MAP3K15: variants seen among roughly 807,000 people sequenced by gnomAD.
MAP3K15 encodes MAPK/ERK kinase kinase 15.
MAP3K15 carries 124 observed loss-of-function variants against 99.5 expected under a neutral mutation model. The observed-to-expected ratio is 1.25, with a 90% CI of 1.08 to 1.45. The LOEUF is 1.45. MAP3K15 is among the 40% of genes most tolerant of loss of function. The probability of loss-of-function intolerance (pLI) is 0.00; values close to 1 mark genes in which losing one functional copy is unlikely to be tolerated. For missense variants in MAP3K15, 1,242 were observed against 1,079.7 expected (o/e 1.15, Z -2.11); for synonymous variants, 494 against 439.6 (o/e 1.12, Z -1.55).
chrX:19,439,018 T>C (rs757623382), intron 6 of MAP3K15, among the ~76,000 whole-genome samples: 22 of 111,812 alleles, frequency 2.0e-4, no homozygotes, highest in African/African-American at 6.2e-4. Flanking sequence ...GCCAACATGG[T>C]GAAACCCTGT....
chrX:19,360,723 C>T lies in MAP3K15; in HGVS notation c.*26G>A, dbSNP rs754361374. 6 of 1,151,328 alleles carry T rather than the reference C, an allele frequency of 5.2e-6. No homozygotes were observed. The South Asian group carries it at 9.1e-5, about 18-fold the overall frequency. 94.9% of individuals were successfully genotyped at this position (1,151,328 alleles called of 1,213,427 possible). ...ACAAAACATGTAGCGTGGTGGGACACTCTGCCACAGCTTAGCTGATTGGTA... is the reference window on the plus strand; with the variant it reads ...ACAAAACATGTAGCGTGGTGGGACATTCTGCCACAGCTTAGCTGATTGGTA... On this transcript the variant is annotated 3_prime_UTR_variant, in exon 29 of 29. Coordinates refer to ENST00000338883, the MANE Select transcript of MAP3K15 (RefSeq NM_001001671.4).
At chrX:19,488,246 C>T (rs1027086100) in intron 2 of MAP3K15, among the ~76,000 whole-genome samples, 3 of 112,063 alleles carry the variant, frequency 2.7e-5, no homozygotes, top group Admixed American at 9.5e-5. Context: ...CCCAAAAAAG[C>T]TTGTCTCAAA....
intron 3 of MAP3K15, among the ~76,000 whole-genome samples, chrX:19,471,868 G>A (rs2064209647): frequency 8.9e-6 from 1 of 111,987 alleles, no homozygotes. Context: ...AAATGAAGAT[G>A]AAATATGAAC....
At position 19,360,795 on chromosome X, in the gene MAP3K15, T is replaced by C. The variant is rs778346850; in HGVS notation, c.3896A>G (p.Gln1299Arg). ...LLCRLWSAVS[Q>R]YRRAQEASET... ...TGAGGCCTCCTGAGCCCTTCTGTACTGGGAGACCGCACTCCAGAGTCTGCA... is the reference window on the plus strand; with the variant it reads ...TGAGGCCTCCTGAGCCCTTCTGTACCGGGAGACCGCACTCCAGAGTCTGCA... The change falls in exon 29 of 29, where the codon CAG (glutamine) becomes CGG (arginine). Residue 1299 changes from glutamine (Q) to arginine (R), a missense_variant. By Grantham distance (43) the Gln-to-Arg change is conservative. Coordinates refer to ENST00000338883, the MANE Select transcript of MAP3K15 (RefSeq NM_001001671.4). 3.3e-6 allele frequency: 4 copies of C among 1,209,922 alleles called. No homozygotes were observed. Among genetic ancestry groups the C allele is most frequent in the Non-Finnish European group, 3.4e-6 (3 of 894,665 alleles).
Position 19,415,036 on chromosome X carries a change from C to T in MAP3K15, c.1590+71G>A, listed in dbSNP as rs73455611. The T allele has an allele frequency of 7.0e-4, 657 of 933,732 alleles. 4 individuals are homozygous for T. The African/African-American group carries it at 9.9e-3, about 14-fold the overall frequency. The allele number at this position is 933,732 out of a possible 1,213,427, so 76.9% of individuals were successfully genotyped here. A position where few individuals can be genotyped will look rare whatever the true frequency, so the allele number is the denominator to read the frequency against. On this transcript the variant is annotated intron_variant, in intron 10 of 28. Transcript: ENST00000338883. ...ACAGTTTTCTTCAGTTCAGAGTATT[C>T]AATAGTTAAATAGCACCAATCCCTA...
At chrX:19,365,749 G>T (rs1352455886) in intron 25 of MAP3K15, among the ~76,000 whole-genome samples, 1 of 111,486 alleles carries the variant, frequency 9.0e-6, no homozygotes, top group African/African-American at 3.3e-5. Flanking sequence ...GCTCACACCT[G>T]TCATCCCAGA....
At chrX:19,455,142 G>A (rs775062363) in intron 6 of MAP3K15, among the ~76,000 whole-genome samples, 13 of 110,400 alleles carry the variant, frequency 1.2e-4, no homozygotes, top group Non-Finnish European at 2.1e-4. Context: ...TGGAGACCCC[G>A]TCTGGCCCTA....
chrX:19,369,351 G>A (rs1420367578), intron 24 of MAP3K15, 132 bp from the exon 25 acceptor site: 13 of 663,558 alleles, frequency 2.0e-5, no homozygotes. Context: ...TTAGGGGACT[G>A]CTGACTTTAC....
At chrX:19,488,163 G>A (rs1048018166) in intron 2 of MAP3K15, among the ~76,000 whole-genome samples, 3 of 111,790 alleles carry the variant, frequency 2.7e-5, no homozygotes, top group African/African-American at 9.8e-5. Context: ...AATATCCACT[G>A]AATTTTGGAA....
At chrX:19,366,754 G>C (rs764365846) in intron 25 of MAP3K15, among the ~76,000 whole-genome samples, 2 of 111,787 alleles carry the variant, frequency 1.8e-5, no homozygotes, top group Admixed American at 9.5e-5. Context: ...TATCAGCAGC[G>C]TGAAAATGGA....
chrX:19,469,710 A>T (rs1282322427), intron 3 of MAP3K15, among the ~76,000 whole-genome samples: 1 of 111,500 alleles, frequency 9.0e-6, no homozygotes, highest in Admixed American at 9.5e-5. Context: ...ACAAGAAAAA[A>T]ACAAACAACC....
intron 3 of MAP3K15, among the ~76,000 whole-genome samples, chrX:19,471,552 G>A (rs956988839): frequency 2.0e-4 from 22 of 111,043 alleles, no homozygotes; most frequent in Non-Finnish European, 2.8e-4. Flanking sequence ...ATGAGCCACC[G>A]TGCCCGGCCC....
At position 19,415,261 on chromosome X, in the gene MAP3K15, G is replaced by A; in HGVS notation, c.1440-4C>T. ...CTGAACTAATGATCGCAGGTACCTG[G>A]AAAAATCACAAACAGCAATATATTG... On this transcript the variant is annotated splice_polypyrimidine_tract_variant and splice_region_variant and intron_variant, in intron 9 of 28. Coordinates refer to ENST00000338883, the MANE Select transcript of MAP3K15 (RefSeq NM_001001671.4). 8.6e-7 allele frequency: 1 copy of A among 1,159,733 alleles called. No homozygotes were observed. The highest frequency in any genetic ancestry group is 1.1e-6 in the Non-Finnish European group (1 of 875,317).
At chrX:19,467,710 TG>T in intron 3 of MAP3K15, among the ~76,000 whole-genome samples, 1 of 12,816 alleles carries the variant, frequency 7.8e-5, no homozygotes, top group Non-Finnish European at 5.3e-4. Context: ...GAGGTTGCAG[TG>T]AAACCTACGT....
intron 18 of MAP3K15, among the ~76,000 whole-genome samples, chrX:19,387,841 G>T (rs2063502676): frequency 8.9e-6 from 1 of 112,701 alleles, no homozygotes; most frequent in African/African-American, 3.2e-5. Context: ...AGGAGGTGAT[G>T]TAAGGGGTAA....
At chrX:19,418,644 A>T (rs747956132) in intron 9 of MAP3K15, among the ~76,000 whole-genome samples, 20 of 111,556 alleles carry the variant, frequency 1.8e-4, no homozygotes, top group Admixed American at 6.7e-4. Context: ...ACTTCCCCAA[A>T]CTAGCAAGGC....
intron 9 of MAP3K15, among the ~76,000 whole-genome samples, chrX:19,423,372 G>T (rs1349386233): frequency 1.1e-5 from 1 of 90,774 alleles, no homozygotes; most frequent in Non-Finnish European, 2.1e-5. Context: ...CAAACTCACT[G>T]TCTTTTATTT....
chrX:19,371,342 T>C lies in MAP3K15; in HGVS notation c.3294+3A>G, dbSNP rs768678555. The C allele has an allele frequency of 4.7e-5, 57 of 1,201,349 alleles. No homozygotes were observed. The African/African-American group carries it at 9.0e-4, about 19-fold the overall frequency. On this transcript the variant is annotated splice_donor_region_variant and intron_variant, in intron 23 of 28. Transcript: ENST00000338883. ...GTTCCCTAGGGCCAGATGGAGCACT[T>C]ACGGCATCCTGAAATCCGAACAGCA...
chrX:19,507,062 C>G (rs2064482169), intron 1 of MAP3K15, among the ~76,000 whole-genome samples: 1 of 111,804 alleles, frequency 8.9e-6, no homozygotes, highest in Non-Finnish European at 1.9e-5. Flanking sequence ...GCTGTTCTTG[C>G]CATTTAAGCA....
Sources: gnomAD v4.1 joint callset for allele counts (sites outside exome capture counted in the v4.1 genomes callset) on GRCh38, gnomAD v4.1.1 for gene constraint, MANE v1.5 for transcripts, NCBI Gene and HGNC (gene_info 2026-07-23, HGNC 2026-07-21) for gene names.